Variants in RFX7 observed in about 807,000 individuals in gnomAD.
RFX7 encodes the protein regulatory factor X7.
RFX7 carries 26 observed loss-of-function variants against 111.8 expected under a neutral mutation model. That is an observed-to-expected ratio of 0.23 (90% confidence interval 0.17 to 0.32). The LOEUF is 0.32. Among genes scored for constraint, RFX7 ranks in the 10% least tolerant of loss-of-function variants. The pLI is 1.00. For synonymous variants in RFX7, 624 were observed against 624.4 expected, an observed-to-expected ratio of 1.00 and a Z score of 0.01; for missense variants, 1,573 against 1,772.9, an observed-to-expected ratio of 0.89 and a Z score of 2.02.
intron 2 of RFX7, among the ~76,000 whole-genome samples, chr15:56,204,239 G>C (rs971463109): frequency 1.3e-5 from 2 of 151,800 alleles, no homozygotes; most frequent in East Asian, 3.9e-4. Flanking sequence ...GGCTGGTCTC[G>C]AACTCCTGGC....
chr15:56,142,632 G>C lies in RFX7; in HGVS notation c.401+146C>G, dbSNP rs117576344. ...TTATAAATGCTACTACAGAAGCTTAGAGCTGGAATGAATCTTAAGAGATTT... is the reference window on the plus strand; with the variant it reads ...TTATAAATGCTACTACAGAAGCTTACAGCTGGAATGAATCTTAAGAGATTT... On this transcript the variant is annotated intron_variant, in intron 5 of 9. Transcript: ENST00000559447. 120 of 682,736 alleles carry C rather than the reference G, an allele frequency of 1.8e-4. No homozygotes were observed. The East Asian group carries it at 3.5e-3, about 20-fold the overall frequency. The allele number at this position is 682,736 out of a possible 1,614,324, so 42.3% of individuals were successfully genotyped here.
chr15:56,091,698 A>T lies in RFX7; in HGVS notation c.*1647T>A, dbSNP rs1158348846. 2.0e-5 allele frequency: 3 copies of T among 152,468 alleles called. No homozygotes were observed. Among genetic ancestry groups the T allele is most frequent in the Non-Finnish European group, 4.4e-5 (3 of 67,972 alleles). The allele number at this position is 152,468 out of a possible 1,614,324, so 9.4% of individuals were successfully genotyped here. A position where few individuals can be genotyped will look rare whatever the true frequency, so the allele number is the denominator to read the frequency against. On this transcript the variant is annotated 3_prime_UTR_variant, in exon 10 of 10. Coordinates refer to ENST00000559447, the MANE Select transcript of RFX7 (RefSeq NM_022841.7). The stretch of plus-strand genomic sequence containing the variant: ...GCATCAAGAAAAAAATACCTAACAA[A>T]TCATGAAATCAAGATAACAGCAAAC...
Position 56,193,050 on chromosome 15 carries a change from A to G in RFX7, c.162-13747T>C, listed in dbSNP as rs1202834605. ...AAAGCCTTAGGGTTTTCTACAAACA[A>G]CTTCTTTGTCACTTTCCTAAGGCTT... On this transcript the variant is annotated intron_variant, in intron 2 of 9. Coordinates refer to ENST00000559447, the MANE Select transcript of RFX7 (RefSeq NM_022841.7). 17 of 238,538 alleles carry G rather than the reference A, an allele frequency of 7.1e-5. No homozygotes were observed. The East Asian group carries it at 1.8e-3, about 25-fold the overall frequency. 14.8% of individuals were successfully genotyped at this position (238,538 alleles called of 1,614,324 possible). A position where few individuals can be genotyped will look rare whatever the true frequency, so the allele number is the denominator to read the frequency against.
At chr15:56,197,051 A>G (rs2043152193) in intron 2 of RFX7, among the ~76,000 whole-genome samples, 1 of 152,094 alleles carries the variant, frequency 6.6e-6, no homozygotes, top group Non-Finnish European at 1.5e-5. Context: ...ATCCTCTCCA[A>G]AATTGGTAAT....
intron 2 of RFX7, among the ~76,000 whole-genome samples, chr15:56,222,365 G>C (rs1295055243): frequency 5.9e-5 from 9 of 152,006 alleles, no homozygotes; most frequent in Non-Finnish European, 1.5e-5. Context: ...GTGATTACTG[G>C]GATTGGTGTT....
At chr15:56,220,291 C>T (rs190140618) in intron 2 of RFX7, among the ~76,000 whole-genome samples, 24 of 152,208 alleles carry the variant, frequency 1.6e-4, no homozygotes, top group Middle Eastern at 3.4e-3. Context: ...AATGCAGTGG[C>T]GTGATCTCGG....
intron 3 of RFX7, among the ~76,000 whole-genome samples, chr15:56,152,040 C>T (rs1032079439): frequency 1.3e-5 from 2 of 152,180 alleles, no homozygotes; most frequent in South Asian, 4.1e-4. Context: ...AATACAGGAG[C>T]ACCCAGATTC....
intron 5 of RFX7, among the ~76,000 whole-genome samples, chr15:56,105,603 CATTCT>C: frequency 6.6e-6 from 1 of 151,964 alleles, no homozygotes; most frequent in Non-Finnish European, 1.5e-5. Context: ...ATAATATATC[CATTCT>C]ATTCTCCATC....
chr15:56,110,311 GGGA>G (rs1255924465), intron 5 of RFX7, among the ~76,000 whole-genome samples: 2 of 57,116 alleles, frequency 3.5e-5, no homozygotes, highest in African/African-American at 5.2e-5. Flanking sequence ...CCGTCCGGGA[GGGA>G]GGTGGGGGGG....
chr15:56,195,640 T>C (rs1169470899), intron 2 of RFX7, among the ~76,000 whole-genome samples: 1 of 152,140 alleles, frequency 6.6e-6, no homozygotes, highest in East Asian at 1.9e-4. Context: ...TACTGACATT[T>C]AGGATGGCAC....
intron 2 of RFX7, among the ~76,000 whole-genome samples, chr15:56,190,820 AG>A (rs1340646755): frequency 1.3e-5 from 2 of 152,238 alleles, no homozygotes; most frequent in Admixed American, 1.3e-4. Flanking sequence ...ACAGGAAAAA[AG>A]GGGGTGAAAC....
chr15:56,144,557 A>T, intron 3 of RFX7, 74 bp from the exon 4 acceptor site: 2 of 655,594 alleles, frequency 3.1e-6, no homozygotes, highest in Admixed American at 2.1e-5. Flanking sequence ...ATTTACTAAC[A>T]TCTCCCTAAA....
intron 3 of RFX7, among the ~76,000 whole-genome samples, chr15:56,145,333 G>C (rs1293417715): frequency 6.6e-6 from 1 of 152,118 alleles, no homozygotes; most frequent in African/African-American, 2.4e-5. Context: ...ATTCCTGGTA[G>C]AATTTATTCT....
intron 2 of RFX7, among the ~76,000 whole-genome samples, chr15:56,240,651 C>G (rs777066338): frequency 6.6e-6 from 1 of 152,054 alleles, no homozygotes; most frequent in Non-Finnish European, 1.5e-5. Flanking sequence ...AAACCAAATG[C>G]AAAACCCATT....
chr15:56,235,632 T>C (rs1421122811), intron 2 of RFX7, among the ~76,000 whole-genome samples: 1 of 152,172 alleles, frequency 6.6e-6, no homozygotes, highest in Non-Finnish European at 1.5e-5. Context: ...ATGCTTCATC[T>C]ATAAGAGAGC....
rs371698449 is a variant in RFX7, at chr15:56,098,065, T to C, written c.1107+16A>G. The C allele has an allele frequency of 3.1e-6, 5 of 1,609,140 alleles. No homozygotes were observed. Among genetic ancestry groups the C allele is most frequent in the Non-Finnish European group, 4.2e-6 (5 of 1,177,398 alleles). ...CCACCATCCCAATAAGGCCAAATAC[T>C]ATTTAATTATATTACCGGAATGGGA... On this transcript the variant is annotated intron_variant, in intron 9 of 9. Transcript: ENST00000559447.
chr15:56,127,226 A>C (rs1341909782), intron 5 of RFX7, among the ~76,000 whole-genome samples: 1 of 152,124 alleles, frequency 6.6e-6, no homozygotes, highest in African/African-American at 2.4e-5. Flanking sequence ...AAATTCCTAC[A>C]TAATCAATGG....
Position 56,107,662 on chromosome 15 carries a change from A to G in RFX7, c.402-3992T>C, listed in dbSNP as rs1205029711. ...TAAGACAGGTAGTTTTATTAAACAT[A>G]TTTTATAGATGAGGAACTTGCACAG... is the stretch of plus-strand genomic sequence containing the variant. On this transcript the variant is annotated intron_variant, in intron 5 of 9. Transcript: ENST00000559447. 2.0e-5 allele frequency among the ~76,000 whole-genome samples: 3 copies of G among 152,202 alleles called. No homozygotes were observed. The East Asian group carries it at 5.8e-4, about 29-fold the overall frequency.
Position 56,102,232 on chromosome 15 carries a change from T to C in RFX7, c.540A>G (p.Arg180=). ...TTGGCATATGAACAAAAGCTTTTTTTCTTAGTCCACTGTAGCAATATGTAA... is the reference window on the plus strand; with the variant it reads ...TTGGCATATGAACAAAAGCTTTTTTCCTTAGTCCACTGTAGCAATATGTAA... ...GKSKYCYSGL[R]KKAFVHMPTL... The change falls in exon 7 of 10, where the codon AGA becomes AGG. Residue 180 remains arginine, a synonymous_variant. Transcript: ENST00000559447. 6.2e-7 allele frequency: 1 copy of C among 1,611,790 alleles called. No individual in the cohort carries two copies. Among genetic ancestry groups the C allele is most frequent in the Non-Finnish European group, 8.5e-7 (1 of 1,178,274 alleles).
Sources: gnomAD v4.1 joint callset for allele counts (sites outside exome capture counted in the v4.1 genomes callset) on GRCh38, gnomAD v4.1.1 for gene constraint, MANE v1.5 for transcripts, NCBI Gene and HGNC (gene_info 2026-07-23, HGNC 2026-07-21) for gene names.